Variants in OPCML observed in about 807,000 individuals in gnomAD.
OPCML encodes the protein opioid binding protein/cell adhesion molecule like.
Under a neutral mutation model 37.8 loss-of-function variants are expected in OPCML, and 13 were observed. That is an observed-to-expected ratio of 0.34 (90% CI 0.22 to 0.55). The LOEUF is 0.55. Ranked by LOEUF, OPCML falls within the 20% of genes least tolerant of loss-of-function variation. OPCML has a pLI of 0.91. For synonymous variants in OPCML, 176 were observed against 168.8 expected (o/e 1.04, Z -0.33); for missense variants, 341 against 435.6 (o/e 0.78, Z 1.93).
intron 2 of OPCML, chr11:132,772,314 G>GA (rs1205641414): frequency 4.6e-5 from 7 of 152,162 alleles, no homozygotes; most frequent in South Asian, 2.1e-4. Context: ...GAAAGTATAT[G>GA]AAAAAATCAC....
At chr11:132,475,855 T>C (rs1250096549) in intron 4 of OPCML, among the ~76,000 whole-genome samples, 1 of 152,236 alleles carries the variant, frequency 6.6e-6, no homozygotes, top group Non-Finnish European at 1.5e-5. Flanking sequence ...GTACGTTACA[T>C]ATGAACAGGT....
chr11:132,944,783 C>G (rs983903987), intron 1 of OPCML, among the ~76,000 whole-genome samples: 3 of 152,174 alleles, frequency 2.0e-5, no homozygotes, highest in African/African-American at 7.2e-5. Flanking sequence ...TTGGGCCCCT[C>G]GGGAGGCCCT....
intron 2 of OPCML, among the ~76,000 whole-genome samples, chr11:132,766,583 A>C (rs938236326): frequency 6.6e-6 from 1 of 152,184 alleles, no homozygotes; most frequent in Non-Finnish European, 1.5e-5. Context: ...TAAGGGTACT[A>C]ACCCCATCAT....
At chr11:132,756,479 T>C (rs190515473) in intron 2 of OPCML, among the ~76,000 whole-genome samples, 19 of 152,328 alleles carry the variant, frequency 1.2e-4, no homozygotes, top group African/African-American at 4.3e-4. Flanking sequence ...ATCAACATCT[T>C]TGCCATGTTG....
intron 2 of OPCML, among the ~76,000 whole-genome samples, chr11:132,692,689 G>A (rs1943450705): frequency 6.6e-6 from 1 of 152,134 alleles, no homozygotes; most frequent in African/African-American, 2.4e-5. Flanking sequence ...CATCCCACGT[G>A]GTTAGAATGG....
At chr11:132,581,666 T>A (rs2096462250) in intron 3 of OPCML, among the ~76,000 whole-genome samples, 1 of 152,180 alleles carries the variant, frequency 6.6e-6, no homozygotes, top group South Asian at 2.1e-4. Flanking sequence ...CTTAAAAAAG[T>A]TCACATATTT....
intron 2 of OPCML, among the ~76,000 whole-genome samples, chr11:132,717,054 C>CAT (rs1944520234): frequency 6.6e-6 from 1 of 152,070 alleles, no homozygotes. Context: ...GGACATGTAT[C>CAT]ATATAATAAT....
At chr11:132,579,336 CAAGGAGACAGGCCTGTCAAACA>C (rs1403322279) in intron 3 of OPCML, among the ~76,000 whole-genome samples, 2 of 151,302 alleles carry the variant, frequency 1.3e-5, no homozygotes, top group African/African-American at 4.9e-5. Flanking sequence ...TGGCCTTTGT[CAAGGAGACAGGCCTGTCAAACA>C]AAGGAGACAG....
intron 2 of OPCML, among the ~76,000 whole-genome samples, chr11:132,767,161 A>G (rs571471688): frequency 1.2e-4 from 18 of 152,334 alleles, no homozygotes; most frequent in Middle Eastern, 3.4e-3. Context: ...ATTTTTCTAT[A>G]AGTGTGAAAT....
chr11:133,078,617 C>T (rs1422905350), intron 1 of OPCML, among the ~76,000 whole-genome samples: 1 of 152,156 alleles, frequency 6.6e-6, no homozygotes, highest in African/African-American at 2.4e-5. Flanking sequence ...AGGCCCTTGA[C>T]CCTCATCCCT....
At chr11:132,519,958 G>A (rs555608117) in intron 4 of OPCML, among the ~76,000 whole-genome samples, 2 of 152,286 alleles carry the variant, frequency 1.3e-5, no homozygotes, top group South Asian at 2.1e-4. Flanking sequence ...GAGAAATGAC[G>A]TTGGGAAGTC....
At chr11:132,780,268 G>T (rs1470809261) in intron 2 of OPCML, among the ~76,000 whole-genome samples, 1 of 152,196 alleles carries the variant, frequency 6.6e-6, no homozygotes, top group Non-Finnish European at 1.5e-5. Context: ...CACACTGTAC[G>T]TGAGACACTG....
intron 1 of OPCML, among the ~76,000 whole-genome samples, chr11:133,335,285 T>C (rs1943719317): frequency 1.3e-5 from 2 of 152,316 alleles, no homozygotes; most frequent in East Asian, 3.9e-4. Flanking sequence ...CCCAAAGTCA[T>C]ACAGAATGGC....
chr11:133,039,524 CATTGG>C (rs990322498), intron 1 of OPCML, among the ~76,000 whole-genome samples: 2 of 152,050 alleles, frequency 1.3e-5, no homozygotes, highest in African/African-American at 4.8e-5. Context: ...AGTGTATACC[CATTGG>C]ATGGTGGTCA....
intron 2 of OPCML, among the ~76,000 whole-genome samples, chr11:132,776,122 G>C (rs1012752490): frequency 1.3e-5 from 2 of 152,062 alleles, no homozygotes; most frequent in African/African-American, 4.8e-5. Flanking sequence ...TAAAGACAGG[G>C]TTTCACATGT....
chr11:132,870,527 T>A (rs1393338504), intron 2 of OPCML, among the ~76,000 whole-genome samples: 1 of 152,120 alleles, frequency 6.6e-6, no homozygotes, highest in African/African-American at 2.4e-5. Flanking sequence ...CGCCACCCTA[T>A]GATCCAGCAA....
At chr11:133,294,410 C>G (rs567419012) in intron 1 of OPCML, among the ~76,000 whole-genome samples, 24 of 152,230 alleles carry the variant, frequency 1.6e-4, no homozygotes, top group Admixed American at 1.3e-3. Context: ...CACCTCTTTT[C>G]CTTTCCAGTC....
chr11:132,956,536 C>A (rs1045841115), intron 1 of OPCML, among the ~76,000 whole-genome samples: 3 of 152,098 alleles, frequency 2.0e-5, no homozygotes, highest in Admixed American at 6.6e-5. Flanking sequence ...TTGACCAAAA[C>A]CTCAAACATT....
intron 1 of OPCML, among the ~76,000 whole-genome samples, chr11:133,285,513 AG>A (rs1942271289): frequency 6.6e-6 from 1 of 152,176 alleles, no homozygotes; most frequent in African/African-American, 2.4e-5. Context: ...AAATAGTGTC[AG>A]ACCTAACGAA....
Sources: allele counts gnomAD v4.1 joint callset (sites outside exome capture counted in the v4.1 genomes callset), GRCh38; gene constraint gnomAD v4.1.1; transcripts MANE v1.5; gene names NCBI Gene and HGNC (gene_info 2026-07-23, HGNC 2026-07-21).